The following MCTP2 variants were observed in gnomAD, a reference collection of about 807,000 sequenced individuals.
MCTP2 encodes the protein multiple C2 and transmembrane domain containing 2.
In MCTP2, 132 loss-of-function variants were observed where a neutral mutation model predicts 111.6. That is an observed-to-expected ratio of 1.18 (90% CI 1.03 to 1.37). MCTP2 has a LOEUF of 1.37. Ranked by LOEUF, MCTP2 falls within the 40% of genes most tolerant of loss-of-function variation. MCTP2 has a pLI of 0.00. For synonymous variants in MCTP2, 395 were observed against 387.7 expected, an observed-to-expected ratio of 1.02 and a Z score of -0.22; for missense variants, 1,183 against 1,067.9, an observed-to-expected ratio of 1.11 and a Z score of -1.50.
intron 1 of MCTP2, among the ~76,000 whole-genome samples, chr15:94,238,954 G>A (rs574714439): frequency 3.3e-5 from 5 of 150,634 alleles, no homozygotes; most frequent in South Asian, 2.1e-4. Context: ...GTGTGACCAC[G>A]CCCATGTTCT....
At chr15:94,267,162 G>T (rs529156193) in intron 1 of MCTP2, among the ~76,000 whole-genome samples, 1 of 152,278 alleles carries the variant, frequency 6.6e-6, no homozygotes, top group South Asian at 2.1e-4. Context: ...CACCACTGCC[G>T]CAATCATAAT....
chr15:94,296,977 C>G (rs920169469), intron 1 of MCTP2, among the ~76,000 whole-genome samples: 2 of 152,196 alleles, frequency 1.3e-5, no homozygotes, highest in Non-Finnish European at 2.9e-5. Flanking sequence ...CTGGACCATT[C>G]TTCACAATGA....
At chr15:94,294,399 A>G (rs954311135) in intron 1 of MCTP2, among the ~76,000 whole-genome samples, 2 of 152,236 alleles carry the variant, frequency 1.3e-5, no homozygotes, top group African/African-American at 4.8e-5. Context: ...TAACAAAACA[A>G]AGATGGTGAA....
chr15:94,378,258 G>C (rs58610938), intron 12 of MCTP2, among the ~76,000 whole-genome samples: 1 of 151,774 alleles, frequency 6.6e-6, no homozygotes. Flanking sequence ...GCAGTGACTC[G>C]CACCCATAAT....
At chr15:94,300,509 C>CAAAAAA (rs34484349) in intron 2 of MCTP2, among the ~76,000 whole-genome samples, 102 of 126,368 alleles carry the variant, frequency 8.1e-4, no homozygotes, top group African/African-American at 2.8e-3. Context: ...GACTCTGTCT[C>CAAAAAA]AAAAAAAAAA....
chr15:94,377,613 A>C (rs1280000934), intron 12 of MCTP2, among the ~76,000 whole-genome samples: 1 of 152,154 alleles, frequency 6.6e-6, no homozygotes, highest in Non-Finnish European at 1.5e-5. Flanking sequence ...TTATTTAGCA[A>C]ATATACCTTT....
At chr15:94,387,465 C>G (rs1293531576) in intron 14 of MCTP2, among the ~76,000 whole-genome samples, 2 of 152,172 alleles carry the variant, frequency 1.3e-5, no homozygotes, top group African/African-American at 4.8e-5. Flanking sequence ...CAAAACATAT[C>G]TTTCAAAATA....
chr15:94,326,969 G>A (rs565574541), intron 4 of MCTP2, among the ~76,000 whole-genome samples: 12 of 151,768 alleles, frequency 7.9e-5, no homozygotes, highest in Non-Finnish European at 1.5e-5. Flanking sequence ...AAATATGTTT[G>A]GTTAATGAGA....
At chr15:94,332,692 T>TTTTTTTTTTTTTTTTTTTTTTTTTTG (rs2077183598) in intron 4 of MCTP2, among the ~76,000 whole-genome samples, 1 of 152,212 alleles carries the variant, frequency 6.6e-6, no homozygotes, top group African/African-American at 2.4e-5. Context: ...TAGAAAATTT[T>TTTTTTTTTTTTTTTTTTTTTTTTTTG]TCAAGCTAAA....
At chr15:94,266,126 G>C (rs941020423) in intron 1 of MCTP2, among the ~76,000 whole-genome samples, 3 of 151,940 alleles carry the variant, frequency 2.0e-5, no homozygotes, top group Non-Finnish European at 2.9e-5. Context: ...GCACACACTG[G>C]ATGATCCTGA....
chr15:94,440,420 A>G, intron 18 of MCTP2, 122 bp downstream of exon 18: 1 of 1,228,258 alleles, frequency 8.1e-7, no homozygotes, highest in Admixed American at 2.2e-5. Flanking sequence ...CAGCCCTGCA[A>G]AGGCACTCAT....
intron 20 of MCTP2, among the ~76,000 whole-genome samples, chr15:94,461,027 G>C (rs961271826): frequency 2.5e-4 from 37 of 150,854 alleles, no homozygotes; most frequent in East Asian, 1.2e-3. Flanking sequence ...TGATGGGTTG[G>C]GGGGGACCCC....
chr15:94,315,280 G>A (rs2076328525), intron 3 of MCTP2, among the ~76,000 whole-genome samples: 1 of 152,058 alleles, frequency 6.6e-6, no homozygotes, highest in African/African-American at 2.4e-5. Flanking sequence ...TCTAATTCTT[G>A]GAAGGCTAAC....
At chr15:94,306,506 C>T (rs932433196) in intron 2 of MCTP2, among the ~76,000 whole-genome samples, 3 of 152,062 alleles carry the variant, frequency 2.0e-5, no homozygotes, top group South Asian at 4.2e-4. Flanking sequence ...TTTGGAAGTA[C>T]AATTCTGCAA....
At chr15:94,443,600 G>C (rs368537501) in intron 19 of MCTP2, among the ~76,000 whole-genome samples, 48 of 152,258 alleles carry the variant, frequency 3.2e-4, no homozygotes, top group African/African-American at 1.1e-3. Context: ...TTGTGCAGAG[G>C]AAAGGGTAAA....
rs1172249324 is a variant in MCTP2 at position 94,479,176 on chromosome 15, C to T, written c.*142C>T. 1.8e-5 allele frequency: 14 copies of T among 756,922 alleles called. No individual in the cohort carries two copies. Among genetic ancestry groups the T allele is most frequent in the East Asian group, 1.1e-4 (4 of 37,684 alleles). The allele number at this position is 756,922 out of a possible 1,614,324, so 46.9% of individuals were successfully genotyped here. On this transcript the variant is annotated 3_prime_UTR_variant, in exon 23 of 23. Coordinates refer to ENST00000357742, the MANE Select transcript of MCTP2 (RefSeq NM_001385001.1). ...CCTCTGTATACTTCCTCCTCCTTCA[C>T]GTGCACAGACATACACACATGTGCA...
At chr15:94,400,633 A>G (rs890476345) in intron 16 of MCTP2, among the ~76,000 whole-genome samples, 16 of 135,734 alleles carry the variant, frequency 1.2e-4, no homozygotes, top group Non-Finnish European at 1.9e-4. Context: ...TGACCTTTAC[A>G]TTCCTTTTTC....
At chr15:94,370,029 G>T in intron 11 of MCTP2, 58 bp from the exon 12 acceptor site, 1 of 1,150,792 alleles carries the variant, frequency 8.7e-7, no homozygotes, top group South Asian at 1.5e-5. Flanking sequence ...AGGACTTTAT[G>T]ACATTAAGTA....
At chr15:94,294,798 T>TGCA (rs2075182685) in intron 1 of MCTP2, among the ~76,000 whole-genome samples, 1 of 152,166 alleles carries the variant, frequency 6.6e-6, no homozygotes, top group Non-Finnish European at 1.5e-5. Context: ...AGCTTTGATC[T>TGCA]GCACAGTAAC....
Sources: allele counts gnomAD v4.1 joint callset (sites outside exome capture counted in the v4.1 genomes callset), GRCh38; gene constraint gnomAD v4.1.1; transcripts MANE v1.5; gene names NCBI Gene and HGNC (gene_info 2026-07-23, HGNC 2026-07-21).